The following PCDHA8 variants were observed in gnomAD, a reference collection of about 807,000 sequenced individuals.
PCDHA8 encodes protocadherin alpha 8.
Under a neutral mutation model 61.8 loss-of-function variants are expected in PCDHA8, and 53 were observed. The ratio of observed to expected loss-of-function variants is 0.86; its 90% CI spans 0.69 to 1.08. The LOEUF (loss-of-function observed/expected upper bound fraction) is 1.08, where lower values mean the gene tolerates loss of function less well. Among genes scored for constraint, PCDHA8 ranks in the 50% least tolerant of loss-of-function variants. The probability of loss-of-function intolerance (pLI) is 0.00; values close to 1 mark genes in which losing one functional copy is unlikely to be tolerated. For synonymous variants in PCDHA8, 618 were observed against 556.6 expected (o/e 1.11, Z -1.55); for missense variants, 1,293 against 1,245.0 (o/e 1.04, Z -0.58).
chr5:140,971,557 T>A (rs1483701815), intron 1 of PCDHA8, among the ~76,000 whole-genome samples: 5 of 152,150 alleles, frequency 3.3e-5, no homozygotes, highest in Non-Finnish European at 7.4e-5. Context: ...CCTGTTAAAT[T>A]CCCATGTTGG....
chr5:140,999,523 C>T (rs115576128), intron 3 of PCDHA8, among the ~76,000 whole-genome samples: 1 of 152,026 alleles, frequency 6.6e-6, no homozygotes, highest in Non-Finnish European at 1.5e-5. Context: ...CATTTTGTTA[C>T]CCCCTGGATA....
intron 1 of PCDHA8, among the ~76,000 whole-genome samples, chr5:140,959,151 C>CAG (rs782425604): frequency 2.0e-4 from 30 of 152,084 alleles, no homozygotes; most frequent in African/African-American, 7.0e-4. Context: ...CCAAAGTGGG[C>CAG]AGATTGCTTG....
intron 1 of PCDHA8, among the ~76,000 whole-genome samples, chr5:140,974,327 G>A (rs2096622889): frequency 6.6e-6 from 1 of 152,194 alleles, no homozygotes; most frequent in African/African-American, 2.4e-5. Context: ...TAGCTGCTGT[G>A]CTAGCAGGCT....
At chr5:140,863,196 G>T (rs782500346) in intron 1 of PCDHA8, 2 of 874,852 alleles carry the variant, frequency 2.3e-6, no homozygotes, top group Non-Finnish European at 3.6e-6. Context: ...TGGTGGCGTC[G>T]CTGGCGGAGA....
chr5:140,883,319 A>C, intron 1 of PCDHA8: 1 of 1,614,126 alleles, frequency 6.2e-7, no homozygotes, highest in Non-Finnish European at 8.5e-7. Context: ...CCCAGAGGTT[A>C]CCATCACTTC....
intron 2 of PCDHA8, 129 bp from the exon 3 acceptor site, chr5:140,982,346 G>A: frequency 1.3e-6 from 2 of 1,492,346 alleles, no homozygotes; most frequent in South Asian, 2.7e-5. Context: ...AATTGCTTCA[G>A]TTCAAGCATG....
chr5:140,985,683 G>A (rs926848363), intron 3 of PCDHA8, among the ~76,000 whole-genome samples: 3 of 151,224 alleles, frequency 2.0e-5, no homozygotes, highest in African/African-American at 7.3e-5. Context: ...CCTGCCTTAC[G>A]CTAATCCTCG....
chr5:140,849,632 A>G lies in PCDHA8; in HGVS notation c.2394+5917A>G, dbSNP rs2150443246. On this transcript the variant is annotated intron_variant, in intron 1 of 3. Transcript: ENST00000531613. ...TGATTAGTGTGATCGACCTAGACGCAGATGCCAACGGGCAGGTTACCTGCT... is the reference window on the plus strand; with the variant it reads ...TGATTAGTGTGATCGACCTAGACGCGGATGCCAACGGGCAGGTTACCTGCT... The G allele has an allele frequency of 2.5e-6, 4 of 1,598,772 alleles. No homozygotes were observed. In the South Asian group the frequency reaches 4.4e-5, roughly 18 times the overall value.
At chr5:140,975,206 T>G (rs2096657939) in intron 1 of PCDHA8, among the ~76,000 whole-genome samples, 1 of 152,232 alleles carries the variant, frequency 6.6e-6, no homozygotes, top group African/African-American at 2.4e-5. Context: ...TCTTCATGGC[T>G]GGCACTGGAG....
At position 140,857,227 on chromosome 5, in the gene PCDHA8, G is replaced by T. The variant is rs148283153; in HGVS notation, c.2394+13512G>T. On this transcript the variant is annotated intron_variant, in intron 1 of 3. Transcript: ENST00000531613. ...CCTGCTCTCTGACGCCTCACGTTCC[G>T]TTCAAGCTGGTGTCCACCTACAAGA... is the stretch of plus-strand genomic sequence containing the variant. The T allele has an allele frequency of 7.5e-6, 12 of 1,598,330 alleles. No homozygotes were observed. In the African/African-American group the frequency reaches 1.5e-4, roughly 20 times the overall value.
At chr5:140,877,403 G>A (rs199806507) in intron 1 of PCDHA8, 243 of 1,613,770 alleles carry the variant, frequency 1.5e-4, no homozygotes, top group Non-Finnish European at 1.9e-4. Flanking sequence ...GACGCTCCGC[G>A]CCACCGCCTG....
rs113486331 is a variant in PCDHA8, at chr5:140,935,958, T to C, written c.2395-42991T>C. ...CCCAGGCTGGAGTAAAGTGGTACAATCTTGGCTCACTGCAATCTCTGCCTC... is the reference window on the plus strand; with the variant it reads ...CCCAGGCTGGAGTAAAGTGGTACAACCTTGGCTCACTGCAATCTCTGCCTC... On this transcript the variant is annotated intron_variant, in intron 1 of 3. Coordinates refer to ENST00000531613, the MANE Select transcript of PCDHA8 (RefSeq NM_018911.3). Among the ~76,000 whole-genome samples the C allele has an allele frequency of 4.3e-3, 649 of 149,438 alleles. 7 individuals are homozygous for C. The highest frequency in any genetic ancestry group is 0.015 in the African/African-American group (604 of 40,738).
intron 1 of PCDHA8, among the ~76,000 whole-genome samples, chr5:140,907,985 A>T (rs1377305456): frequency 2.6e-5 from 4 of 152,178 alleles, no homozygotes; most frequent in East Asian, 1.9e-4. Flanking sequence ...GCTTCTTCCA[A>T]GTCCTTAACC....
At chr5:140,970,948 C>T (rs1339410112) in intron 1 of PCDHA8, among the ~76,000 whole-genome samples, 1 of 152,114 alleles carries the variant, frequency 6.6e-6, no homozygotes, top group Non-Finnish European at 1.5e-5. Context: ...TGCTGAGAAA[C>T]CATGGGAGGC....
rs2058926605 is a variant in PCDHA8, at chr5:140,882,051, AC to A, written c.2394+38337del. The A allele has an allele frequency of 7.9e-6, 6 of 757,556 alleles. No homozygotes were observed. The Admixed American group carries it at 1.6e-4, about 20-fold the overall frequency. 46.9% of individuals were successfully genotyped at this position (757,556 alleles called of 1,614,324 possible). A position where few individuals can be genotyped will look rare whatever the true frequency, so the allele number is the denominator to read the frequency against. ...AAAATATGAAGACTGAGTCATACTT[AC>A]ACTTACACGTTCATGCGCATGGTGT... On this transcript the variant is annotated intron_variant, in intron 1 of 3. Coordinates refer to ENST00000531613, the MANE Select transcript of PCDHA8 (RefSeq NM_018911.3).
intron 1 of PCDHA8, among the ~76,000 whole-genome samples, chr5:140,946,772 TG>T (rs2094025159): frequency 6.6e-6 from 1 of 151,346 alleles, no homozygotes; most frequent in Non-Finnish European, 1.5e-5. Context: ...TCATGTGGAA[TG>T]TAAAAAAGCT....
At chr5:140,875,228 T>C in intron 1 of PCDHA8, 5 of 832,094 alleles carry the variant, frequency 6.0e-6, no homozygotes, top group Non-Finnish European at 8.6e-6. Flanking sequence ...CTCAGGATCT[T>C]TCTTGTACTT....
At position 140,973,042 on chromosome 5, in the gene PCDHA8, T is replaced by C. The variant is rs78535788; in HGVS notation, c.2395-5907T>C. Among the ~76,000 whole-genome samples the C allele has an allele frequency of 5.1e-3, 779 of 152,252 alleles. 6 individuals carry two copies. Among genetic ancestry groups the C allele is most frequent in the African/African-American group, 0.018 (740 of 41,542 alleles). ...TGTTAATGAGTCACTTTGAGTACTCTAGTAGATTTGTCCAACAGTGTCTCA... is the reference window on the plus strand; with the variant it reads ...TGTTAATGAGTCACTTTGAGTACTCCAGTAGATTTGTCCAACAGTGTCTCA... On this transcript the variant is annotated intron_variant, in intron 1 of 3. Transcript: ENST00000531613.
chr5:140,997,698 A>G (rs1587762890), intron 3 of PCDHA8, among the ~76,000 whole-genome samples: 4 of 145,560 alleles, frequency 2.7e-5, no homozygotes, highest in South Asian at 2.2e-4. Context: ...GTGTGTGTGT[A>G]TGTTAACAAA....
Sources: gnomAD v4.1 joint callset for allele counts (sites outside exome capture counted in the v4.1 genomes callset) on GRCh38, gnomAD v4.1.1 for gene constraint, MANE v1.5 for transcripts, NCBI Gene and HGNC (gene_info 2026-07-23, HGNC 2026-07-21) for gene names.